SKIC3: variants seen among roughly 807,000 people sequenced by gnomAD.
The protein encoded by SKIC3 is SKI3 subunit of superkiller complex.
At chr5:95,551,463 C>T in the SKIC3 span, among the ~76,000 whole-genome samples, 1 of 151,954 alleles carries the variant, frequency 6.6e-6, no homozygotes, top group Non-Finnish European at 1.5e-5. Context: ...AGTGTCACTC[C>T]AACAGTAGAA....
chr5:95,537,859 T>C, the SKIC3 span, among the ~76,000 whole-genome samples: 1 of 152,310 alleles, frequency 6.6e-6, no homozygotes, highest in Non-Finnish European at 1.5e-5. Context: ...TGTAATTCAA[T>C]ATCTCAAATT....
At chr5:95,507,840 A>G in the SKIC3 span, among the ~76,000 whole-genome samples, 8 of 152,150 alleles carry the variant, frequency 5.3e-5, no homozygotes, top group Non-Finnish European at 8.8e-5. Context: ...AAAGTGGTAC[A>G]TACACCCAAG....
the SKIC3 span, among the ~76,000 whole-genome samples, chr5:95,545,566 C>T: frequency 9.7e-4 from 148 of 152,044 alleles, no homozygotes; most frequent in Non-Finnish European, 1.6e-3. Context: ...TGGCTAATTC[C>T]CCTATACATC....
At chr5:95,543,075 A>T in the SKIC3 span, 1 of 1,328,634 alleles carries the variant, frequency 7.5e-7, no homozygotes, top group Non-Finnish European at 1.0e-6. Context: ...TTTTTCTTAC[A>T]TGGGGCAAAT....
the SKIC3 span, among the ~76,000 whole-genome samples, chr5:95,531,082 G>C: frequency 5.1e-4 from 78 of 151,786 alleles, no homozygotes; most frequent in Admixed American, 1.1e-3. Context: ...AAAAAGACCC[G>C]ATGCTTTAAT....
chr5:95,482,061 C>G, the SKIC3 span, among the ~76,000 whole-genome samples: 1 of 152,102 alleles, frequency 6.6e-6, no homozygotes, highest in Admixed American at 6.6e-5. Flanking sequence ...AAGCATCAAT[C>G]CTGAAAATAA....
the SKIC3 span, among the ~76,000 whole-genome samples, chr5:95,518,726 T>G: frequency 6.6e-6 from 1 of 152,120 alleles, no homozygotes; most frequent in African/African-American, 2.4e-5. Context: ...AATATCTAGG[T>G]TGATTCCATA....
At chr5:95,548,548 A>G in the SKIC3 span, 78 of 152,200 alleles carry the variant, frequency 5.1e-4, no homozygotes, top group East Asian at 0.014. Flanking sequence ...TTCTTGCTTT[A>G]GAAACTACTA....
chr5:95,551,473 A>C, the SKIC3 span, among the ~76,000 whole-genome samples: 5 of 152,216 alleles, frequency 3.3e-5, no homozygotes, highest in Admixed American at 3.3e-4. Flanking sequence ...CAACAGTAGA[A>C]AGTCTTACTG....
chr5:95,469,948 G>A, the SKIC3 span: 1 of 1,603,896 alleles, frequency 6.2e-7, no homozygotes, highest in Non-Finnish European at 8.5e-7. Context: ...TCAAAGATTT[G>A]GCATATTTAT....
At chr5:95,512,498 C>T in the SKIC3 span, 5 of 1,613,840 alleles carry the variant, frequency 3.1e-6, no homozygotes, top group South Asian at 1.1e-5. Flanking sequence ...TTCAAAATAA[C>T]TTGTGCTGCT....
At chr5:95,497,825 T>A in the SKIC3 span, among the ~76,000 whole-genome samples, 1 of 151,896 alleles carries the variant, frequency 6.6e-6, no homozygotes, top group African/African-American at 2.4e-5. Context: ...GGAAGATGAC[T>A]ACTAATAAAA....
the SKIC3 span, chr5:95,541,803 T>C: frequency 3.2e-6 from 5 of 1,584,172 alleles, no homozygotes; most frequent in East Asian, 1.1e-4. Flanking sequence ...ACTTTCCTCA[T>C]ACATTTCTTA....
chr5:95,516,297 C>T, the SKIC3 span: 1 of 1,591,214 alleles, frequency 6.3e-7, no homozygotes, highest in East Asian at 2.2e-5. Flanking sequence ...ATTGAGGAGA[C>T]AATAATATAG....
the SKIC3 span, among the ~76,000 whole-genome samples, chr5:95,549,549 A>T: frequency 9.2e-5 from 14 of 152,010 alleles, no homozygotes; most frequent in African/African-American, 3.4e-4. Context: ...ACAATTCTTC[A>T]TGCTACAATG....
the SKIC3 span, chr5:95,523,177 G>T: frequency 9.1e-5 from 147 of 1,613,062 alleles, 1 homozygote; most frequent in Non-Finnish European, 7.8e-5. Context: ...GTCTAACATA[G>T]TTTAAATACA....
chr5:95,500,605 G>A, the SKIC3 span, among the ~76,000 whole-genome samples: 6 of 152,068 alleles, frequency 3.9e-5, no homozygotes, highest in South Asian at 2.1e-4. Flanking sequence ...ACCATTTTAC[G>A]TCCACAATTC....
At chr5:95,554,608 A>C in the SKIC3 span, among the ~76,000 whole-genome samples, 1 of 152,304 alleles carries the variant, frequency 6.6e-6, no homozygotes, top group Admixed American at 6.5e-5. Flanking sequence ...CCATGGGAGC[A>C]CAGTAAATCC....
the SKIC3 span, among the ~76,000 whole-genome samples, chr5:95,488,856 CA>C: frequency 2.4e-4 from 36 of 147,722 alleles, 1 homozygote; most frequent in East Asian, 7.9e-4. Flanking sequence ...AAGAATATAC[CA>C]AAAAAAAAAT....
Sources: gnomAD v4.1 joint callset for allele counts (sites outside exome capture counted in the v4.1 genomes callset) on GRCh38, gnomAD v4.1.1 for gene constraint, MANE v1.5 for transcripts, NCBI Gene and HGNC (gene_info 2026-07-23, HGNC 2026-07-21) for gene names.